The following ZNF451 variants were observed in gnomAD, a reference collection of about 807,000 sequenced individuals.
ZNF451 encodes zinc finger protein 451.
Under a neutral mutation model 107.1 loss-of-function variants are expected in ZNF451, and 80 were observed. That is an observed-to-expected ratio of 0.75 (90% CI 0.62 to 0.90). ZNF451 has a LOEUF of 0.90. Among genes scored for constraint, ZNF451 ranks in the 40% least tolerant of loss-of-function variants. The pLI, the probability that ZNF451 is intolerant of heterozygous loss-of-function variation, is 0.00. For missense variants in ZNF451, 1,107 were observed against 1,236.2 expected (o/e 0.90, Z 1.57); for synonymous variants, 362 against 406.5 (o/e 0.89, Z 1.32).
intron 3 of ZNF451, chr6:57,106,514 C>A: frequency 1.4e-6 from 1 of 738,248 alleles, no homozygotes; most frequent in Non-Finnish European, 1.7e-6. Context: ...CCATGTTGGT[C>A]AGGCTGGTCT....
At chr6:57,142,537 G>A (rs1453654053) in intron 9 of ZNF451, among the ~76,000 whole-genome samples, 1 of 152,142 alleles carries the variant, frequency 6.6e-6, no homozygotes, top group Non-Finnish European at 1.5e-5. Context: ...TTAGTACATT[G>A]TTCCTTCTTA....
In ZNF451 at chr6:57,147,857, C is replaced by A; in HGVS notation, c.1772C>A (p.Thr591Asn). Residue 591 changes from threonine to asparagine, a missense_variant, in exon 10 of 15, where the codon ACT becomes AAT. Thr to Asn is a moderately conservative substitution (Grantham distance 65, BLOSUM62 0). Coordinates refer to ENST00000370706, the MANE Select transcript of ZNF451 (RefSeq NM_001031623.3). ...GCTAACAAGCCTTCATCAGCTATTA[C>A]TGTTATTGATCATTCCCCGGCAAAT... ...LTANKPSSAITVIDHSPANSS... is the reference protein window; with the variant it reads ...LTANKPSSAINVIDHSPANSS... The A allele has an allele frequency of 1.2e-6, 2 of 1,614,144 alleles. No individual in the cohort carries two copies. The highest frequency in any genetic ancestry group is 1.7e-6 in the Non-Finnish European group (2 of 1,179,998).
chr6:57,106,603 G>A (rs969418602), intron 3 of ZNF451: 2 of 971,592 alleles, frequency 2.1e-6, no homozygotes, highest in Non-Finnish European at 2.4e-6. Flanking sequence ...ACCGCGCCTG[G>A]CTGTGAAATT....
Position 57,163,436 on chromosome 6 carries a change from C to CTTTTTTTTTTTTTTTTTTT in ZNF451, c.3139+2298_3139+2316dup, listed in dbSNP as rs398001706. On this transcript the variant is annotated intron_variant, in intron 14 of 14. Coordinates refer to ENST00000370706, the MANE Select transcript of ZNF451 (RefSeq NM_001031623.3). ...AATGGTTGCTTGTTAAATGAATAAA[C>CTTTTTTTTTTTTTTTTTTT]TTTTTTTTTTTTTTTTTTTTTTTTT... 4.3e-4 allele frequency among the ~76,000 whole-genome samples: 13 copies of CTTTTTTTTTTTTTTTTTTT among 30,340 alleles called. 5 individuals are homozygous for CTTTTTTTTTTTTTTTTTTT. The highest frequency in any genetic ancestry group is 1.1e-3 in the Admixed American group (2 of 1,816). The allele number at this position is 30,340 out of a possible 152,430, so 19.9% of individuals were successfully genotyped here.
At chr6:57,155,160 C>T (rs1763349648) in intron 13 of ZNF451, among the ~76,000 whole-genome samples, 1 of 152,016 alleles carries the variant, frequency 6.6e-6, no homozygotes, top group Non-Finnish European at 1.5e-5. Context: ...CTATCTGTGG[C>T]TTTCTTTTTT....
intron 3 of ZNF451, chr6:57,107,309 G>A (rs952425303): frequency 1.0e-6 from 1 of 984,816 alleles, no homozygotes; most frequent in Non-Finnish European, 1.2e-6. Context: ...ATACTAGACA[G>A]GATTTTGATG....
At chr6:57,101,140 C>G in intron 3 of ZNF451, 1 of 1,550,726 alleles carries the variant, frequency 6.4e-7, no homozygotes, top group African/African-American at 1.4e-5. Flanking sequence ...TTACAAATCA[C>G]CATCAGCTGA....
intron 11 of ZNF451, chr6:57,151,806 G>A (rs1832364692): frequency 1.3e-5 from 2 of 154,086 alleles, no homozygotes; most frequent in Admixed American, 1.3e-4. Flanking sequence ...TGGGATTAAA[G>A]ATAGAAACAT....
intron 3 of ZNF451, among the ~76,000 whole-genome samples, chr6:57,120,535 T>C (rs1439497642): frequency 6.6e-6 from 1 of 152,232 alleles, no homozygotes; most frequent in Non-Finnish European, 1.5e-5. Context: ...GAGAGTTGGC[T>C]CTTGCTGCAC....
intron 3 of ZNF451, among the ~76,000 whole-genome samples, chr6:57,111,148 T>G (rs935440228): frequency 2.6e-5 from 4 of 152,148 alleles, no homozygotes; most frequent in Non-Finnish European, 5.9e-5. Context: ...CTCGAACTCC[T>G]GACCTCAAGT....
chr6:57,110,341 T>G (rs554415160), intron 3 of ZNF451, among the ~76,000 whole-genome samples: 1 of 152,318 alleles, frequency 6.6e-6, no homozygotes, highest in East Asian at 1.9e-4. Context: ...CCATTACTTG[T>G]AAGGTTCTAG....
In ZNF451 at chr6:57,133,147, A is replaced by T; in HGVS notation, c.530A>T (p.Asn177Ile). The T allele has an allele frequency of 6.2e-7, 1 of 1,614,162 alleles. No homozygotes were observed. Among genetic ancestry groups the T allele is most frequent in the South Asian group, 1.1e-5 (1 of 91,084 alleles). Residue 177 changes from asparagine (N) to isoleucine (I), a missense_variant, in exon 6 of 15, where the codon AAC (asparagine) becomes ATC (isoleucine). Physicochemically the swap from Asn to Ile is moderately radical, Grantham distance 149. This residue lies in a region of ZNF451 where 339 missense variants were observed against 372.8 expected (regional missense o/e 0.91). Coordinates refer to ENST00000370706, the MANE Select transcript of ZNF451 (RefSeq NM_001031623.3). ...KPILCPIMHC[N>I]KEFDNGHLLL... ...ATTTTATGTCCTATAATGCACTGTA[A>T]CAAGGAGTTTGACAATGGGCACCTT... is the stretch of plus-strand genomic sequence containing the variant.
chr6:57,090,213 A>G lies in ZNF451; in HGVS notation c.-41A>G, dbSNP rs1272538428. ...ATTCGTGGCGACGGCGGCGGCAGGG[A>G]CAGCAGGAGCAGTGGTGCTGTCAGC... On this transcript the variant is annotated 5_prime_UTR_variant, in exon 1 of 15. Transcript: ENST00000370706. 1.9e-6 allele frequency: 3 copies of G among 1,601,200 alleles called. No homozygotes were observed. The highest frequency in any genetic ancestry group is 2.3e-5 in the East Asian group (1 of 44,340).
At chr6:57,137,404 G>T (rs1451078242) in intron 7 of ZNF451, among the ~76,000 whole-genome samples, 6 of 151,922 alleles carry the variant, frequency 3.9e-5, no homozygotes, top group Non-Finnish European at 8.8e-5. Flanking sequence ...AAACTTAAAT[G>T]TACACACATA....
rs1832142211 is a variant in ZNF451 at position 57,147,760 on chromosome 6, T to A, written c.1675T>A (p.Tyr559Asn). ...GACTGAATTTCATAATGGACACAGATATTTTTATGAGATGGATGAGGTAGA... is the reference window on the plus strand; with the variant it reads ...GACTGAATTTCATAATGGACACAGAAATTTTTATGAGATGGATGAGGTAGA... ...HVTEFHNGHR[Y>N]FYEMDEVEGE... Residue 559 changes from tyrosine to asparagine, a missense_variant, in exon 10 of 15, where the codon TAT (tyrosine) becomes AAT (asparagine). This residue lies in a region of ZNF451 where 608 missense variants were observed against 649.2 expected (regional missense o/e 0.94). Coordinates refer to ENST00000370706, the MANE Select transcript of ZNF451 (RefSeq NM_001031623.3). 1 of 1,613,760 alleles carries A rather than the reference T, an allele frequency of 6.2e-7. No individual in the cohort carries two copies. Among genetic ancestry groups the A allele is most frequent in the South Asian group, 1.1e-5 (1 of 91,090 alleles).
chr6:57,132,010 A>G (rs1831200560), intron 5 of ZNF451, among the ~76,000 whole-genome samples: 1 of 152,228 alleles, frequency 6.6e-6, no homozygotes, highest in Non-Finnish European at 1.5e-5. Flanking sequence ...GATCAAAATT[A>G]TAAAGAAAGA....
At position 57,124,826 on chromosome 6, in the gene ZNF451, A is replaced by G. The variant is rs753044588; in HGVS notation, c.279A>G (p.Lys93=). ...TAGCCCGCCATGTTGAAGTGGAGAAACAGCAGAAAGAAGAGAAGAATAGAG... is the reference window on the plus strand; with the variant it reads ...TAGCCCGCCATGTTGAAGTGGAGAAGCAGCAGAAAGAAGAGAAGAATAGAG... ...ARLARHVEVE[K]QQKEEKNRAF... The change falls in exon 4 of 15, where the codon AAA becomes AAG. Residue 93 remains lysine, a synonymous_variant. Transcript: ENST00000370706. The G allele has an allele frequency of 6.2e-7, 1 of 1,611,236 alleles. No homozygotes were observed. Among genetic ancestry groups the G allele is most frequent in the Non-Finnish European group, 8.5e-7 (1 of 1,178,134 alleles).
At chr6:57,160,235 T>C (rs1349560172) in intron 13 of ZNF451, among the ~76,000 whole-genome samples, 1 of 152,182 alleles carries the variant, frequency 6.6e-6, no homozygotes, top group Non-Finnish European at 1.5e-5. Context: ...TAGGACATTA[T>C]TACTAATTCC....
rs550527544 is a variant in ZNF451 at position 57,168,757 on chromosome 6, G to T, written c.*288G>T. ...TGAATTTATATATTTAGATTTAAAGGATTAAAAAAAAGGAAAGCTCTTGAC... is the reference window on the plus strand; with the variant it reads ...TGAATTTATATATTTAGATTTAAAGTATTAAAAAAAAGGAAAGCTCTTGAC... On this transcript the variant is annotated 3_prime_UTR_variant, in exon 15 of 15. Coordinates refer to ENST00000370706, the MANE Select transcript of ZNF451 (RefSeq NM_001031623.3). 2.5e-5 allele frequency: 7 copies of T among 276,142 alleles called. No individual in the cohort carries two copies. The South Asian group carries it at 3.5e-4, about 14-fold the overall frequency. 17.1% of individuals were successfully genotyped at this position (276,142 alleles called of 1,614,324 possible).
Sources: allele counts gnomAD v4.1 joint callset (sites outside exome capture counted in the v4.1 genomes callset), GRCh38; gene constraint gnomAD v4.1.1; regional missense constraint gnomAD v4.1.1; transcripts MANE v1.5; gene names NCBI Gene and HGNC (gene_info 2026-07-23, HGNC 2026-07-21).